STN1: variants seen among roughly 807,000 people sequenced by gnomAD.
STN1 encodes CST complex subunit STN1.
STN1 carries 29 observed loss-of-function variants against 45.5 expected under a neutral mutation model. The observed-to-expected ratio is 0.64, with a 90% CI of 0.47 to 0.87. The LOEUF (loss-of-function observed/expected upper bound fraction) is 0.87. Ranked by LOEUF, STN1 falls within the 40% of genes least tolerant of loss-of-function variation. The pLI is 0.00. For missense variants in STN1, 376 were observed against 441.4 expected (o/e 0.85, Z 1.33); for synonymous variants, 148 against 159.0 (o/e 0.93, Z 0.52).
At chr10:103,903,306 C>T (rs10883946) in intron 4 of STN1, among the ~76,000 whole-genome samples, 9,765 of 152,168 alleles carry the variant, frequency 0.064, 360 homozygotes, top group African/African-American at 0.097. Flanking sequence ...AGAACAAGTA[C>T]GCATATTCAA....
Position 103,881,970 on chromosome 10 carries a change from C to T in STN1, c.*714G>A, listed in dbSNP as rs191875775. ...CTGCCTCCGTGATCTTCAGGGGCAT[C>T]GAGGGACAATGTATTTAGTCATGCA... On this transcript the variant is annotated 3_prime_UTR_variant, in exon 10 of 10. Transcript: ENST00000224950. Among the ~76,000 whole-genome samples the T allele has an allele frequency of 2.0e-5, 3 of 152,270 alleles. No individual in the cohort carries two copies. The highest frequency in any genetic ancestry group is 1.9e-4 in the East Asian group (1 of 5,180).
At chr10:103,897,777 G>A (rs1843181060) in intron 6 of STN1, 58 bp from the exon 7 acceptor site, 1 of 1,574,072 alleles carries the variant, frequency 6.4e-7, no homozygotes. Context: ...GTTCCTTTTT[G>A]GTGTATAAAA....
chr10:103,900,068 T>C lies in STN1; in HGVS notation c.451A>G (p.Thr151Ala), dbSNP rs2487999. 0.9 allele frequency: 1,453,833 copies of C among 1,613,648 alleles called. 657,760 individuals carry two copies. The highest frequency in any genetic ancestry group is 1 in the East Asian group (44,870 of 44,874). ...YREEREIHAT[T>A]YYKVDDPVWN... ...AGAAATATCTTGTGCTTACAGTAAG[T>C]GGTGGCATGAATCTCTCGCTCTTCT... Residue 151 changes from threonine (T) to alanine (A), a missense_variant, in exon 5 of 10, where the codon ACT becomes GCT. By Grantham distance (58) the Thr-to-Ala change is moderately conservative. Coordinates refer to ENST00000224950, the MANE Select transcript of STN1 (RefSeq NM_024928.5).
chr10:103,899,860 C>T, intron 5 of STN1: 1 of 511,154 alleles, frequency 2.0e-6, no homozygotes, highest in Non-Finnish European at 3.4e-6. Context: ...TTTTCTTTCC[C>T]AACTTATAAT....
chr10:103,894,716 C>CAA (rs889425258), intron 7 of STN1, among the ~76,000 whole-genome samples: 4 of 141,348 alleles, frequency 2.8e-5, no homozygotes, highest in African/African-American at 1.0e-4. Context: ...ACCAAACAAA[C>CAA]AAAAAAAAAC....
intron 3 of STN1, 112 bp downstream of exon 3, chr10:103,910,415 C>A: frequency 1.5e-6 from 1 of 652,974 alleles, no homozygotes; most frequent in Non-Finnish European, 2.7e-6. Context: ...AGTACATGCC[C>A]TTAGTGAGGG....
intron 3 of STN1, 34 bp downstream of exon 3, chr10:103,910,493 A>G: frequency 2.1e-6 from 3 of 1,426,918 alleles, no homozygotes; most frequent in Non-Finnish European, 3.0e-6. Flanking sequence ...TCAGCCTTCT[A>G]CATCAACTTC....
intron 2 of STN1, among the ~76,000 whole-genome samples, chr10:103,911,626 C>G (rs1002932177): frequency 6.6e-6 from 1 of 152,182 alleles, no homozygotes; most frequent in Admixed American, 6.5e-5. Flanking sequence ...AAGCGATCCT[C>G]CCACCTTGGT....
intron 7 of STN1, among the ~76,000 whole-genome samples, chr10:103,895,100 A>G (rs1843162779): frequency 6.6e-6 from 1 of 152,234 alleles, no homozygotes; most frequent in Admixed American, 6.5e-5. Flanking sequence ...ACTCAGTTTA[A>G]TCACACTGAC....
intron 3 of STN1, 25 bp from the exon 4 acceptor site, chr10:103,905,181 T>C: frequency 6.2e-7 from 1 of 1,607,278 alleles, no homozygotes; most frequent in African/African-American, 1.3e-5. Context: ...CAAAAGGGTA[T>C]AAGAGAGATT....
chr10:103,893,673 A>G lies in STN1; in HGVS notation c.754-1421T>C, dbSNP rs1843154622. On this transcript the variant is annotated intron_variant, in intron 7 of 9. Coordinates refer to ENST00000224950, the MANE Select transcript of STN1 (RefSeq NM_024928.5). ...TTGCTAATGACATTTCCTCAAGGGGAGAGGAAAGAGCCTCCACAGGGTCTC... is the reference window on the plus strand; with the variant it reads ...TTGCTAATGACATTTCCTCAAGGGGGGAGGAAAGAGCCTCCACAGGGTCTC... 3.3e-5 allele frequency among the ~76,000 whole-genome samples: 5 copies of G among 152,152 alleles called. No homozygotes were observed. The South Asian group carries it at 1.0e-3, about 32-fold the overall frequency.
At chr10:103,898,201 TA>T (rs1328836849) in intron 6 of STN1, 1 of 153,350 alleles carries the variant, frequency 6.5e-6, no homozygotes, top group East Asian at 1.9e-4. Flanking sequence ...ATATTCATGT[TA>T]AAAAACATTA....
In STN1 at chr10:103,881,957, T is replaced by G. The variant is rs1012039422; in HGVS notation, c.*727A>C. ...GGCAATTGGCTGACTGCCTCCGTGA[T>G]CTTCAGGGGCATCGAGGGACAATGT... On this transcript the variant is annotated 3_prime_UTR_variant, in exon 10 of 10. Coordinates refer to ENST00000224950, the MANE Select transcript of STN1 (RefSeq NM_024928.5). 1.3e-5 allele frequency among the ~76,000 whole-genome samples: 2 copies of G among 152,194 alleles called. No individual in the cohort carries two copies. Among genetic ancestry groups the G allele is most frequent in the African/African-American group, 4.8e-5 (2 of 41,450 alleles).
intron 8 of STN1, 108 bp downstream of exon 8, chr10:103,892,022 T>A (rs921483674): frequency 1.1e-6 from 1 of 921,632 alleles, no homozygotes; most frequent in Non-Finnish European, 1.6e-6. Context: ...TCTGATTTTA[T>A]GTACCTCCTT....
intron 7 of STN1, 136 bp downstream of exon 7, chr10:103,897,412 A>AT: frequency 1.3e-6 from 1 of 764,074 alleles, no homozygotes. Context: ...AATAGAAATA[A>AT]TGTGTGACAG....
chr10:103,906,124 T>C (rs1843238948), intron 3 of STN1, among the ~76,000 whole-genome samples: 1 of 152,200 alleles, frequency 6.6e-6, no homozygotes, highest in Non-Finnish European at 1.5e-5. Context: ...GAGTACTTCC[T>C]ATACTAAAAT....
intron 7 of STN1, among the ~76,000 whole-genome samples, chr10:103,894,943 C>T (rs1843161984): frequency 6.6e-6 from 1 of 152,154 alleles, no homozygotes; most frequent in Admixed American, 6.5e-5. Context: ...TTCAAGCCTG[C>T]TCTCTCTCTG....
At chr10:103,894,913 A>G (rs1289070110) in intron 7 of STN1, among the ~76,000 whole-genome samples, 1 of 152,162 alleles carries the variant, frequency 6.6e-6, no homozygotes, top group African/African-American at 2.4e-5. Flanking sequence ...AAGGACCACT[A>G]TGAAAAAAAG....
In STN1 at chr10:103,882,796, C is replaced by T. The variant is rs770464178; in HGVS notation, c.995G>A (p.Arg332His). ...GCTCAGGCCCGGGCGGATGCTCAGG[C>T]GAGCACAGGCCAAGATGTGCAGGAA... The part of the protein sequence containing the change: ...CHFLHILACA[R>H]LSIRPGLSEA... The change falls in exon 10 of 10, where the codon CGC becomes CAC. Residue 332 changes from arginine to histidine, a missense_variant. Physicochemically the swap from Arg to His is conservative, Grantham distance 29. Transcript: ENST00000224950. The T allele has an allele frequency of 3.1e-5, 50 of 1,613,940 alleles. No homozygotes were observed. Among genetic ancestry groups the T allele is most frequent in the African/African-American group, 4.0e-5 (3 of 74,922 alleles).
Sources: gnomAD v4.1 joint callset for allele counts (sites outside exome capture counted in the v4.1 genomes callset) on GRCh38, gnomAD v4.1.1 for gene constraint, MANE v1.5 for transcripts, NCBI Gene and HGNC (gene_info 2026-07-23, HGNC 2026-07-21) for gene names.